The following OSBPL2 variants were observed in gnomAD, a reference collection of about 807,000 sequenced individuals.
OSBPL2 encodes oxysterol binding protein like 2, also known as oxysterol-binding protein-related protein 2.
A neutral mutation model predicts 58.4 loss-of-function variants in OSBPL2; 18 were observed. The ratio of observed to expected loss-of-function variants is 0.31; its 90% confidence interval spans 0.21 to 0.46. OSBPL2 has a LOEUF of 0.46. OSBPL2 is among the 20% of genes least tolerant of loss of function. The probability of loss-of-function intolerance (pLI) is 1.00; values close to 1 mark genes in which losing one functional copy is unlikely to be tolerated. For synonymous variants in OSBPL2, 221 were observed against 234.1 expected (o/e 0.94, Z 0.51); for missense variants, 461 against 616.5 (o/e 0.75, Z 2.67).
chr20:62,280,945 C>T (rs1226055350), intron 7 of OSBPL2, 113 bp from the exon 8 acceptor site: 1 of 754,686 alleles, frequency 1.3e-6, no homozygotes, highest in Non-Finnish European at 2.4e-6. Context: ...GCGTGCTGCT[C>T]TCCCGCGGGT....
intron 1 of OSBPL2, among the ~76,000 whole-genome samples, chr20:62,254,332 C>T (rs894481567): frequency 2.0e-5 from 3 of 152,238 alleles, no homozygotes; most frequent in South Asian, 2.1e-4. Flanking sequence ...GATTCAGCCG[C>T]GTCTCCTCAG....
At position 62,261,351 on chromosome 20, in the gene OSBPL2, AC is replaced by A. The variant is rs370563126; in HGVS notation, c.182+1227del. Among the ~76,000 whole-genome samples, 761 of 149,186 alleles carry A rather than the reference AC, an allele frequency of 5.1e-3. 12 individuals are homozygous for A. Among genetic ancestry groups the A allele is most frequent in the African/African-American group, 0.017 (709 of 40,792 alleles). On this transcript the variant is annotated intron_variant, in intron 3 of 13. Transcript: ENST00000313733. ...AAAAAAAAAAAGGCACAAAGGCAGG[AC>A]AAGTGTCAGGTGGGACAGGCAGTGG...
Position 62,281,205 on chromosome 20 carries a change from G to T in OSBPL2, c.782+40G>T. 2.8e-6 allele frequency: 4 copies of T among 1,435,350 alleles called. No individual in the cohort carries two copies. In the South Asian group the frequency reaches 3.4e-5, roughly 12 times the overall value. The allele number at this position is 1,435,350 out of a possible 1,614,324, so 88.9% of individuals were successfully genotyped here. A position where few individuals can be genotyped will look rare whatever the true frequency, so the allele number is the denominator to read the frequency against. ...CCGTTGGGTGAGAGCGCGAGGCTCCGGGTGGGGATGGGCGAGCCGGGGAGC... is the reference window on the plus strand; with the variant it reads ...CCGTTGGGTGAGAGCGCGAGGCTCCTGGTGGGGATGGGCGAGCCGGGGAGC... On this transcript the variant is annotated intron_variant, in intron 8 of 13. Coordinates refer to ENST00000313733, the MANE Select transcript of OSBPL2 (RefSeq NM_144498.4).
intron 6 of OSBPL2, among the ~76,000 whole-genome samples, chr20:62,277,140 A>G (rs988404373): frequency 2.0e-5 from 3 of 152,040 alleles, no homozygotes; most frequent in African/African-American, 4.8e-5. Flanking sequence ...AATCCCAGCT[A>G]CTCGGGAGGC....
chr20:62,286,750 A>C, intron 11 of OSBPL2, 39 bp downstream of exon 11: 1 of 1,586,118 alleles, frequency 6.3e-7, no homozygotes, highest in Non-Finnish European at 8.6e-7. Flanking sequence ...CTGCCTGCTC[A>C]TGTCACACCC....
At chr20:62,254,024 T>C (rs1010386259) in intron 1 of OSBPL2, among the ~76,000 whole-genome samples, 2 of 152,082 alleles carry the variant, frequency 1.3e-5, no homozygotes, top group African/African-American at 4.8e-5. Flanking sequence ...TCTGGAACTC[T>C]TGACCTCAGG....
intron 5 of OSBPL2, 103 bp from the exon 6 acceptor site, chr20:62,273,206 T>C: frequency 2.3e-6 from 2 of 860,030 alleles, no homozygotes; most frequent in South Asian, 1.5e-5. Context: ...ACGGAACAAA[T>C]AGTGACAGAA....
Position 62,284,250 on chromosome 20 carries a change from G to C in OSBPL2, c.996+81G>C, listed in dbSNP as rs756716420. 5 of 1,572,608 alleles carry C rather than the reference G, an allele frequency of 3.2e-6. No individual in the cohort carries two copies. In the South Asian group the frequency reaches 5.6e-5, roughly 17 times the overall value. On this transcript the variant is annotated intron_variant, in intron 10 of 13. Coordinates refer to ENST00000313733, the MANE Select transcript of OSBPL2 (RefSeq NM_144498.4). ...GGCCGCTGCTGCCTTTAGCTCACCTGTTGGGGTCCCAGGGAACCTTTGGGC... is the reference window on the plus strand; with the variant it reads ...GGCCGCTGCTGCCTTTAGCTCACCTCTTGGGGTCCCAGGGAACCTTTGGGC...
rs1983251392 is a variant in OSBPL2 at position 62,288,126 on chromosome 20, C to CA, written c.1126-1080dup. ...ACTAGTGTGTGAGGGCCCAGGGGGC[C>CA]ATGGGGATGAGGGTGGAGGGGGTGC... On this transcript the variant is annotated intron_variant, in intron 11 of 13. Transcript: ENST00000313733. This position sits in a 1 kb window ranked among gnomAD's most constrained non-coding sequence, Gnocchi z 4.8. Among the ~76,000 whole-genome samples the CA allele has an allele frequency of 1.3e-5, 2 of 152,054 alleles. No individual in the cohort carries two copies. The highest frequency in any genetic ancestry group is 2.4e-5 in the African/African-American group (1 of 41,388).
chr20:62,260,259 G>A, intron 3 of OSBPL2, 134 bp downstream of exon 3: 1 of 797,282 alleles, frequency 1.3e-6, no homozygotes, highest in East Asian at 2.6e-5. Context: ...TCCCCATCCG[G>A]ACAGCCTCCT....
At chr20:62,263,276 C>G (rs1184928901) in intron 3 of OSBPL2, among the ~76,000 whole-genome samples, 1 of 152,204 alleles carries the variant, frequency 6.6e-6, no homozygotes, top group Non-Finnish European at 1.5e-5. Flanking sequence ...AGGGACCCAG[C>G]AGGAGCCCCC....
Position 62,284,184 on chromosome 20 carries a change from G to A in OSBPL2, c.996+15G>A, listed in dbSNP as rs377197125. Reference sequence around the variant, plus strand: ...AGGCCAAGCTGGTAAGGGCTGGGGCGTCCCCGGGCAGAGCTGAGCCCTGGG... The same window carrying A: ...AGGCCAAGCTGGTAAGGGCTGGGGCATCCCCGGGCAGAGCTGAGCCCTGGG... On this transcript the variant is annotated intron_variant, in intron 10 of 13. Transcript: ENST00000313733. The A allele has an allele frequency of 2.3e-4, 378 of 1,613,892 alleles. No homozygotes were observed. The highest frequency in any genetic ancestry group is 3.3e-4 in the Middle Eastern group (2 of 6,084).
intron 1 of OSBPL2, among the ~76,000 whole-genome samples, chr20:62,241,058 C>T (rs766848545): frequency 4.6e-5 from 7 of 152,158 alleles, no homozygotes; most frequent in Admixed American, 6.5e-5. Context: ...TCAGACTCTG[C>T]TGTGTTCCAC....
rs975054943 is a variant in OSBPL2 at position 62,289,929 on chromosome 20, A to G, written c.1249+599A>G. 2.8e-4 allele frequency among the ~76,000 whole-genome samples: 42 copies of G among 152,324 alleles called. 1 individual carries two copies. Among genetic ancestry groups the G allele is most frequent in the Middle Eastern group, 3.4e-3 (1 of 294 alleles). ...CACAAACAAACAACAACAACAAAAAACACAAACAAAAAACAAAGTACAAGT... is the reference window on the plus strand; with the variant it reads ...CACAAACAAACAACAACAACAAAAAGCACAAACAAAAAACAAAGTACAAGT... On this transcript the variant is annotated intron_variant, in intron 12 of 13. Coordinates refer to ENST00000313733, the MANE Select transcript of OSBPL2 (RefSeq NM_144498.4).
intron 1 of OSBPL2, among the ~76,000 whole-genome samples, chr20:62,240,307 G>A (rs944511328): frequency 7.9e-5 from 12 of 152,198 alleles, no homozygotes; most frequent in Admixed American, 2.6e-4. Context: ...ATGTGGCAAT[G>A]AGTGAGTGAG....
At chr20:62,273,927 G>C (rs991922601) in intron 6 of OSBPL2, among the ~76,000 whole-genome samples, 1 of 152,246 alleles carries the variant, frequency 6.6e-6, no homozygotes. Context: ...GGCCAAGGGA[G>C]AGTTAACCAG....
At chr20:62,280,906 A>G in intron 7 of OSBPL2, 152 bp from the exon 8 acceptor site, 1 of 638,384 alleles carries the variant, frequency 1.6e-6, no homozygotes, top group Admixed American at 2.4e-5. Flanking sequence ...TGCTAAATAC[A>G]CAGCCTCCGT....
chr20:62,272,662 G>T (rs1319371432), intron 5 of OSBPL2, among the ~76,000 whole-genome samples: 4 of 152,210 alleles, frequency 2.6e-5, no homozygotes, highest in Admixed American at 2.6e-4. Flanking sequence ...ACTTCGGGAG[G>T]CTGAGGTGGA....
In OSBPL2 at chr20:62,248,727, G is replaced by C. The variant is rs188276671; in HGVS notation, c.-128-7330G>C. Reference sequence around the variant, plus strand: ...TTTTTAAGAGACAGGGTCTTGTTCTGTTGCCCTCTCTGGAGTGCAGTGGAG... The same window carrying C: ...TTTTTAAGAGACAGGGTCTTGTTCTCTTGCCCTCTCTGGAGTGCAGTGGAG... On this transcript the variant is annotated intron_variant, in intron 1 of 13. Coordinates refer to ENST00000313733, the MANE Select transcript of OSBPL2 (RefSeq NM_144498.4). Among the ~76,000 whole-genome samples, 483 of 151,936 alleles carry C rather than the reference G, an allele frequency of 3.2e-3. 2 individuals carry two copies. Among genetic ancestry groups the C allele is most frequent in the African/African-American group, 0.011 (471 of 41,442 alleles).
Sources: allele counts gnomAD v4.1 joint callset (sites outside exome capture counted in the v4.1 genomes callset), GRCh38; gene constraint gnomAD v4.1.1; non-coding constraint Gnocchi (gnomAD v3.1); transcripts MANE v1.5; gene names NCBI Gene and HGNC (gene_info 2026-07-23, HGNC 2026-07-21).